PAWR: variants seen among roughly 807,000 people sequenced by gnomAD.
The protein encoded by PAWR is pro-apoptotic WT1 regulator, also known as PRKC apoptosis WT1 regulator protein.
Under a neutral mutation model 32.0 loss-of-function variants are expected in PAWR, and 23 were observed. That is an observed-to-expected ratio of 0.72 (90% CI 0.52 to 1.02). The LOEUF (loss-of-function observed/expected upper bound fraction) is 1.02, where lower values mean the gene tolerates loss of function less well. Ranked by LOEUF, PAWR falls within the 50% of genes least tolerant of loss-of-function variation. PAWR has a pLI of 0.00. For missense variants in PAWR, 457 were observed against 437.7 expected (o/e 1.04, Z -0.39); for synonymous variants, 226 against 187.1 (o/e 1.21, Z -1.70).
At chr12:79,596,862 C>A in intron 4 of PAWR, 1 of 488,382 alleles carries the variant, frequency 2.0e-6, no homozygotes, top group Non-Finnish European at 3.5e-6. Context: ...CGACCAATAT[C>A]TACTGAATAG....
At chr12:79,652,999 T>C (rs1289405959) in intron 2 of PAWR, among the ~76,000 whole-genome samples, 1 of 152,232 alleles carries the variant, frequency 6.6e-6, no homozygotes, top group African/African-American at 2.4e-5. Flanking sequence ...AATAAATTAA[T>C]ATTCCAACTG....
At chr12:79,612,307 T>C (rs1874477511) in intron 4 of PAWR, among the ~76,000 whole-genome samples, 1 of 152,118 alleles carries the variant, frequency 6.6e-6, no homozygotes, top group African/African-American at 2.4e-5. Context: ...CTCTTCTGAT[T>C]ATCTTGGCCT....
In PAWR at chr12:79,689,735, G is replaced by C. The variant is rs557763232; in HGVS notation, c.510C>G (p.Ala170=). Residue 170 remains alanine (A), a synonymous_variant, in exon 2 of 7, where the codon GCC becomes GCG. Transcript: ENST00000328827. ...CGGCCCCCGCCCGGCTCACCTCTGC[G>C]GCAGGGATGTTGACCACGCCGGTGG... ...RRSTGVVNIP[A]AECLDEYEDD... 100 of 1,558,446 alleles carry C rather than the reference G, an allele frequency of 6.4e-5. No individual in the cohort carries two copies. The East Asian group carries it at 2.2e-3, about 35-fold the overall frequency.
At chr12:79,636,361 G>C (rs1566012677) in intron 2 of PAWR, among the ~76,000 whole-genome samples, 1 of 151,968 alleles carries the variant, frequency 6.6e-6, no homozygotes, top group African/African-American at 2.4e-5. Context: ...CTAATATATG[G>C]AGAAGAGTAT....
At chr12:79,598,348 A>G (rs1335362300) in intron 4 of PAWR, among the ~76,000 whole-genome samples, 2 of 152,232 alleles carry the variant, frequency 1.3e-5, no homozygotes, top group African/African-American at 4.8e-5. Flanking sequence ...TTTAATAGCA[A>G]TCAGAGAAAA....
At position 79,664,658 on chromosome 12, in the gene PAWR, C is replaced by CA. The variant is rs1555177480; in HGVS notation, c.516+25070_516+25071insT. The stretch of plus-strand genomic sequence containing the variant: ...TTTAAGGACAAAGTAGACTCTTTGG[C>CA]GGGGGGGGGAGGAGAGAGAGAGAGT... On this transcript the variant is annotated intron_variant, in intron 2 of 6. Transcript: ENST00000328827. 2.7e-4 allele frequency among the ~76,000 whole-genome samples: 34 copies of CA among 128,254 alleles called. No individual in the cohort carries two copies. The East Asian group carries it at 4.1e-3, about 15-fold the overall frequency. The allele number at this position is 128,254 out of a possible 152,430, so 84.1% of individuals were successfully genotyped here.
At chr12:79,613,966 T>TACAC (rs1874590489) in intron 3 of PAWR, among the ~76,000 whole-genome samples, 1 of 9,248 alleles carries the variant, frequency 1.1e-4, no homozygotes, top group African/African-American at 7.0e-4. Flanking sequence ...TATATATATA[T>TACAC]ATATATATAT....
At chr12:79,622,312 T>TTTA (rs1388508806) in intron 2 of PAWR, among the ~76,000 whole-genome samples, 2 of 152,062 alleles carry the variant, frequency 1.3e-5, no homozygotes, top group Admixed American at 1.3e-4. Flanking sequence ...TTTATTATTT[T>TTTA]TTATTATTAT....
At chr12:79,597,057 C>CTT (rs571008109) in intron 4 of PAWR, 29 of 137,216 alleles carry the variant, frequency 2.1e-4, no homozygotes, top group African/African-American at 5.6e-4. Flanking sequence ...CCCAGATTAT[C>CTT]TTTTTTTTTT....
rs1190947139 is a variant in PAWR, at chr12:79,587,555, TTCC to T, written c.*5049_*5051del. The stretch of plus-strand genomic sequence containing the variant: ...TCAGTCAGGCTGAACTTTTGTGCAC[TTCC>T]TCATTTATTCGAGAAACCCCACCAC... On this transcript the variant is annotated 3_prime_UTR_variant, in exon 7 of 7. Coordinates refer to ENST00000328827, the MANE Select transcript of PAWR (RefSeq NM_002583.4). The T allele has an allele frequency of 1.3e-5, 2 of 151,900 alleles. No individual in the cohort carries two copies. The highest frequency in any genetic ancestry group is 2.9e-5 in the Non-Finnish European group (2 of 67,844). The allele number at this position is 151,900 out of a possible 1,614,324, so 9.4% of individuals were successfully genotyped here.
At chr12:79,602,807 T>C (rs1437334077) in intron 4 of PAWR, among the ~76,000 whole-genome samples, 1 of 150,736 alleles carries the variant, frequency 6.6e-6, no homozygotes, top group Admixed American at 6.6e-5. Context: ...CGTGTCACTA[T>C]GTTGACCAGG....
At chr12:79,613,711 A>G (rs537578930) in intron 3 of PAWR, 102 bp from the exon 4 acceptor site, 11 of 539,776 alleles carry the variant, frequency 2.0e-5, no homozygotes, top group East Asian at 1.6e-4. Context: ...AAAAAGACCA[A>G]CTTGAAGCAA....
intron 4 of PAWR, among the ~76,000 whole-genome samples, chr12:79,609,387 A>C (rs1212988758): frequency 3.9e-5 from 6 of 152,110 alleles, no homozygotes; most frequent in Non-Finnish European, 5.9e-5. Flanking sequence ...GGAGGCAGGA[A>C]AATTCTGGGC....
intron 6 of PAWR, among the ~76,000 whole-genome samples, chr12:79,592,999 T>A (rs1873611115): frequency 6.6e-6 from 1 of 151,970 alleles, no homozygotes; most frequent in African/African-American, 2.4e-5. Flanking sequence ...GTTAGTTTTT[T>A]AGCTAAACAA....
At chr12:79,604,226 C>T (rs1874077646) in intron 4 of PAWR, 12 of 981,434 alleles carry the variant, frequency 1.2e-5, no homozygotes, top group Middle Eastern at 5.2e-4. Context: ...ATCTCTAATA[C>T]GATCCAAAAA....
chr12:79,680,073 T>C (rs1878366946), intron 2 of PAWR, among the ~76,000 whole-genome samples: 1 of 152,224 alleles, frequency 6.6e-6, no homozygotes, highest in Admixed American at 6.5e-5. Context: ...GGTAGACATA[T>C]ACGCACTATA....
At chr12:79,662,821 G>A (rs1033523546) in intron 2 of PAWR, among the ~76,000 whole-genome samples, 7 of 152,144 alleles carry the variant, frequency 4.6e-5, no homozygotes, top group African/African-American at 4.8e-5. Flanking sequence ...TGTGAAGATG[G>A]AGTAAGGAAA....
chr12:79,613,954 TATATATATATATATATATATATATA>T (rs1210445277), intron 3 of PAWR, among the ~76,000 whole-genome samples: 196 of 6,592 alleles, frequency 0.03, 2 homozygotes, highest in African/African-American at 0.092. Flanking sequence ...TATATATATA[TATATATATATATATATATATATATA>T]TTTTTTTTTT....
chr12:79,679,308 G>C (rs1246007986), intron 2 of PAWR, among the ~76,000 whole-genome samples: 1 of 152,076 alleles, frequency 6.6e-6, no homozygotes, highest in Non-Finnish European at 1.5e-5. Context: ...GCATATGAGA[G>C]GAGTGACAGG....
Sources: allele counts gnomAD v4.1 joint callset (sites outside exome capture counted in the v4.1 genomes callset), GRCh38; gene constraint gnomAD v4.1.1; transcripts MANE v1.5; gene names NCBI Gene and HGNC (gene_info 2026-07-23, HGNC 2026-07-21).